Variants in FGF14 observed in about 807,000 individuals in gnomAD.
FGF14 encodes fibroblast growth factor homologous factor 4.
FGF14 carries 5 observed loss-of-function variants against 25.5 expected under a neutral mutation model. The ratio of observed to expected loss-of-function variants is 0.20; its 90% CI spans 0.10 to 0.41. FGF14 has a LOEUF of 0.41. FGF14 is among the 10% of genes least tolerant of loss of function. The pLI is 1.00. For missense variants in FGF14, 222 were observed against 320.1 expected, an observed-to-expected ratio of 0.69 and a Z score of 2.34; for synonymous variants, 138 against 118.3, an observed-to-expected ratio of 1.17 and a Z score of -1.08.
chr13:102,163,911 T>C (rs655467), intron 1 of FGF14, among the ~76,000 whole-genome samples: 4,679 of 152,232 alleles, frequency 0.031, 232 homozygotes, highest in African/African-American at 0.11. Context: ...AATGAAGCCA[T>C]TCCAGACATG....
At chr13:102,214,523 C>G (rs1323265665) in intron 1 of FGF14, among the ~76,000 whole-genome samples, 1 of 152,158 alleles carries the variant, frequency 6.6e-6, no homozygotes, top group Admixed American at 6.5e-5. Flanking sequence ...ATAAACACAA[C>G]AAAAATACTC....
At chr13:102,009,135 C>T (rs926080666) in intron 1 of FGF14, among the ~76,000 whole-genome samples, 2 of 152,190 alleles carry the variant, frequency 1.3e-5, no homozygotes, top group African/African-American at 4.8e-5. Flanking sequence ...TAACACCTTG[C>T]TGTATATTCA....
At chr13:102,320,133 C>T (rs1056206979) in intron 1 of FGF14, among the ~76,000 whole-genome samples, 2 of 151,904 alleles carry the variant, frequency 1.3e-5, no homozygotes, top group Non-Finnish European at 2.9e-5. Flanking sequence ...AATAATCGTT[C>T]GGGAGATAAT....
chr13:101,847,403 A>G (rs1178508360), intron 3 of FGF14, among the ~76,000 whole-genome samples: 1 of 152,188 alleles, frequency 6.6e-6, no homozygotes, highest in East Asian at 1.9e-4. Context: ...TTAGGTGCTA[A>G]CATTAAGTAT....
At chr13:101,955,914 C>A (rs907795027) in intron 1 of FGF14, among the ~76,000 whole-genome samples, 1 of 152,192 alleles carries the variant, frequency 6.6e-6, no homozygotes, top group Non-Finnish European at 1.5e-5. Context: ...AAACCAAAGA[C>A]AATTGCTGCC....
At chr13:102,173,440 A>G (rs7329976) in intron 1 of FGF14, among the ~76,000 whole-genome samples, 1 of 152,158 alleles carries the variant, frequency 6.6e-6, no homozygotes, top group South Asian at 2.1e-4. Flanking sequence ...AAAATCAAAA[A>G]TAGAACTGCC....
At chr13:102,076,945 A>G (rs2043391749) in intron 1 of FGF14, among the ~76,000 whole-genome samples, 1 of 152,152 alleles carries the variant, frequency 6.6e-6, no homozygotes, top group Admixed American at 6.6e-5. Context: ...CACATACATC[A>G]ATGGAACAGA....
intron 1 of FGF14, among the ~76,000 whole-genome samples, chr13:102,017,486 C>T (rs1367643883): frequency 6.6e-6 from 1 of 152,150 alleles, no homozygotes; most frequent in Admixed American, 6.5e-5. Context: ...TGCTGTCAAT[C>T]TGATTCTTGT....
At chr13:102,401,072 C>A (rs564764157) in intron 1 of FGF14, among the ~76,000 whole-genome samples, 7 of 152,244 alleles carry the variant, frequency 4.6e-5, no homozygotes, top group Non-Finnish European at 1.5e-5. Flanking sequence ...AACCCAGCTA[C>A]GTCCCTCGAA....
intron 1 of FGF14, among the ~76,000 whole-genome samples, chr13:102,095,137 G>A (rs915145056): frequency 3.9e-5 from 6 of 152,152 alleles, no homozygotes; most frequent in African/African-American, 1.4e-4. Context: ...ACTGTGTCCA[G>A]ATGTTGTGCA....
chr13:102,316,378 T>C (rs1046266835), intron 1 of FGF14, among the ~76,000 whole-genome samples: 6 of 152,208 alleles, frequency 3.9e-5, no homozygotes, highest in African/African-American at 9.6e-5. Context: ...GTGACAGATA[T>C]GTTAATTCGC....
chr13:101,888,588 A>T (rs2046112139), intron 1 of FGF14, among the ~76,000 whole-genome samples: 1 of 152,140 alleles, frequency 6.6e-6, no homozygotes, highest in African/African-American at 2.4e-5. Context: ...AATCAAGCTT[A>T]CTCTGTTGCC....
intron 1 of FGF14, among the ~76,000 whole-genome samples, chr13:102,200,330 T>C (rs2049559431): frequency 1.3e-5 from 2 of 152,214 alleles, no homozygotes; most frequent in South Asian, 4.1e-4. Flanking sequence ...TAAACAATCA[T>C]TACTGTTGCT....
chr13:102,238,989 A>G (rs777406353), intron 1 of FGF14, among the ~76,000 whole-genome samples: 2 of 152,136 alleles, frequency 1.3e-5, no homozygotes, highest in Non-Finnish European at 2.9e-5. Flanking sequence ...ATGGAGTGGA[A>G]AGCATGGTGG....
chr13:102,078,555 T>C (rs998724206), intron 1 of FGF14, among the ~76,000 whole-genome samples: 14 of 152,196 alleles, frequency 9.2e-5, no homozygotes, highest in African/African-American at 3.4e-4. Flanking sequence ...TACAGGACTC[T>C]TACGAAGACA....
chr13:101,966,324 G>A (rs922922868), intron 1 of FGF14, among the ~76,000 whole-genome samples: 1 of 152,112 alleles, frequency 6.6e-6, no homozygotes, highest in Non-Finnish European at 1.5e-5. Flanking sequence ...GATGATTTAC[G>A]AGACAAAGAA....
At chr13:102,198,515 G>T (rs969000166) in intron 1 of FGF14, among the ~76,000 whole-genome samples, 22 of 152,262 alleles carry the variant, frequency 1.4e-4, no homozygotes, top group Non-Finnish European at 2.8e-4. Context: ...CTTTAGGAAG[G>T]CGTAGGAGAC....
chr13:102,209,850 T>TA (rs2050089027), intron 1 of FGF14, among the ~76,000 whole-genome samples: 1 of 152,136 alleles, frequency 6.6e-6, no homozygotes, highest in African/African-American at 2.4e-5. Context: ...AATTTTTAAT[T>TA]AAAAACTGGG....
At chr13:102,236,291 CT>C (rs563294167) in intron 1 of FGF14, among the ~76,000 whole-genome samples, 2 of 152,158 alleles carry the variant, frequency 1.3e-5, no homozygotes, top group South Asian at 4.1e-4. Context: ...ATCAGGACCC[CT>C]TTCTGGTAAC....
Sources: gnomAD v4.1 joint callset for allele counts (sites outside exome capture counted in the v4.1 genomes callset) on GRCh38, gnomAD v4.1.1 for gene constraint, MANE v1.5 for transcripts, NCBI Gene and HGNC (gene_info 2026-07-23, HGNC 2026-07-21) for gene names.